Variants in TRAPPC10 observed in about 807,000 individuals in gnomAD.
The protein encoded by TRAPPC10 is trafficking protein particle complex subunit 10.
A neutral mutation model predicts 125.5 loss-of-function variants in TRAPPC10; 23 were observed. That is an observed-to-expected ratio of 0.18 (90% CI 0.13 to 0.26). The LOEUF (loss-of-function observed/expected upper bound fraction) is 0.26. Among genes scored for constraint, TRAPPC10 ranks in the 10% least tolerant of loss-of-function variants. The pLI is 1.00. For synonymous variants in TRAPPC10, 509 were observed against 518.0 expected, an observed-to-expected ratio of 0.98 and a Z score of 0.24; for missense variants, 1,123 against 1,308.4, an observed-to-expected ratio of 0.86 and a Z score of 2.19.
chr21:44,079,891 A>G (rs779004035), intron 12 of TRAPPC10, 124 bp from the exon 13 acceptor site: 4 of 1,078,254 alleles, frequency 3.7e-6, no homozygotes, highest in African/African-American at 3.3e-5. Flanking sequence ...GAGCCCTAGT[A>G]ACTTAAAAAA....
At chr21:44,035,711 A>T (rs929022682) in intron 2 of TRAPPC10, among the ~76,000 whole-genome samples, 2 of 152,182 alleles carry the variant, frequency 1.3e-5, no homozygotes, top group African/African-American at 2.4e-5. Context: ...TGGGAGGAGG[A>T]GATTGCAGTG....
chr21:44,087,591 G>T lies in TRAPPC10; in HGVS notation c.2540-108G>T. ...GTTTGCCTGCCAGGTGCGCAGGAGCGGGAGAGGTTGAGCAGTGGCCTCACT... is the reference window on the plus strand; with the variant it reads ...GTTTGCCTGCCAGGTGCGCAGGAGCTGGAGAGGTTGAGCAGTGGCCTCACT... On this transcript the variant is annotated intron_variant, in intron 16 of 22. Coordinates refer to ENST00000291574, the MANE Select transcript of TRAPPC10 (RefSeq NM_003274.5). This position sits in a 1 kb window ranked among gnomAD's most constrained non-coding sequence, Gnocchi z 4.6. The T allele has an allele frequency of 2.1e-6, 2 of 955,698 alleles. No homozygotes were observed. Among genetic ancestry groups the T allele is most frequent in the East Asian group, 2.5e-5 (1 of 39,720 alleles). 59.2% of individuals were successfully genotyped at this position (955,698 alleles called of 1,614,324 possible). A position where few individuals can be genotyped will look rare whatever the true frequency, so the allele number is the denominator to read the frequency against.
intron 3 of TRAPPC10, among the ~76,000 whole-genome samples, chr21:44,039,758 G>C (rs2034282320): frequency 6.6e-6 from 1 of 152,160 alleles, no homozygotes; most frequent in African/African-American, 2.4e-5. Flanking sequence ...CCAGCTACTC[G>C]GTAGGCTGAG....
At chr21:44,017,500 T>C (rs956961737) in intron 1 of TRAPPC10, among the ~76,000 whole-genome samples, 1 of 152,246 alleles carries the variant, frequency 6.6e-6, no homozygotes. Flanking sequence ...TCATGGCATC[T>C]CTAGGCTAAA....
At chr21:44,046,726 T>G in intron 3 of TRAPPC10, 1 of 378,274 alleles carries the variant, frequency 2.6e-6, no homozygotes, top group Non-Finnish European at 4.9e-6. Context: ...CAGGCTGGTC[T>G]TGAACTTCCA....
intron 4 of TRAPPC10, among the ~76,000 whole-genome samples, 159 bp from the exon 5 acceptor site, chr21:44,055,539 C>T (rs946746618): frequency 4.0e-5 from 6 of 149,352 alleles, no homozygotes; most frequent in Non-Finnish European, 7.4e-5. Context: ...GATTGTGCCA[C>T]TGCACTCCAG....
intron 3 of TRAPPC10, among the ~76,000 whole-genome samples, chr21:44,043,395 G>C (rs1388639736): frequency 6.6e-6 from 1 of 151,770 alleles, no homozygotes; most frequent in Admixed American, 6.6e-5. Flanking sequence ...TGTATTATTA[G>C]TGGAGACGGG....
chr21:44,030,745 GGTGTGA>G, intron 1 of TRAPPC10, among the ~76,000 whole-genome samples: 1 of 152,158 alleles, frequency 6.6e-6, no homozygotes, highest in Admixed American at 6.5e-5. Flanking sequence ...TGGGATTACA[GGTGTGA>G]GCCATCACGC....
rs2037582659 is a variant in TRAPPC10, at chr21:44,080,108, C to A, written c.1704C>A (p.Ser568Arg). The change falls in exon 13 of 23, where the codon AGC (serine) becomes AGA (arginine). Residue 568 changes from serine (S) to arginine (R), a missense_variant. By Grantham distance (110) the Ser-to-Arg change is moderately radical. Coordinates refer to ENST00000291574, the MANE Select transcript of TRAPPC10 (RefSeq NM_003274.5). ...GCCAGGAGATACTTGACTTTGCCAG[C>A]CAGCCGTCAGACAGCCCAGGTAAGA... ...HFCQEILDFA[S>R]QPSDSPGHKI... 1 of 1,613,962 alleles carries A rather than the reference C, an allele frequency of 6.2e-7. No homozygotes were observed. The highest frequency in any genetic ancestry group is 1.3e-5 in the African/African-American group (1 of 74,912).
chr21:44,043,390 T>C (rs1413832186), intron 3 of TRAPPC10, among the ~76,000 whole-genome samples: 1 of 151,852 alleles, frequency 6.6e-6, no homozygotes, highest in Non-Finnish European at 1.5e-5. Flanking sequence ...ATTTTTGTAT[T>C]ATTAGTGGAG....
intron 11 of TRAPPC10, 52 bp downstream of exon 11, chr21:44,077,836 A>G: frequency 7.2e-7 from 1 of 1,384,270 alleles, no homozygotes; most frequent in Non-Finnish European, 1.0e-6. Context: ...ATAACACGAG[A>G]AGATTTGTTA....
chr21:44,090,046 AC>A, intron 18 of TRAPPC10, 113 bp downstream of exon 18: 1 of 694,400 alleles, frequency 1.4e-6, no homozygotes, highest in Non-Finnish European at 2.5e-6. Flanking sequence ...TTCTTATGTG[AC>A]CACAAGGCCA....
In TRAPPC10 at chr21:44,088,050, G is replaced by A. The variant is rs2038270582; in HGVS notation, c.2769+122G>A. 2.2e-5 allele frequency: 19 copies of A among 848,246 alleles called. No individual in the cohort carries two copies. The South Asian group carries it at 3.1e-4, about 14-fold the overall frequency. 52.5% of individuals were successfully genotyped at this position (848,246 alleles called of 1,614,324 possible). On this transcript the variant is annotated intron_variant, in intron 17 of 22. Coordinates refer to ENST00000291574, the MANE Select transcript of TRAPPC10 (RefSeq NM_003274.5). Reference sequence around the variant, plus strand: ...CTCCTTCTGATTCCCGATGCCCTGGGCATGTGTTTAGCAGTTCTGTCTGTC... The same window carrying A: ...CTCCTTCTGATTCCCGATGCCCTGGACATGTGTTTAGCAGTTCTGTCTGTC...
chr21:44,057,419 T>TC (rs2035688879), intron 5 of TRAPPC10, among the ~76,000 whole-genome samples: 1 of 151,862 alleles, frequency 6.6e-6, no homozygotes, highest in South Asian at 2.1e-4. Flanking sequence ...CCTGCCTCAG[T>TC]CCCGAGTAGC....
Position 44,087,944 on chromosome 21 carries a change from G to A in TRAPPC10, c.2769+16G>A. On this transcript the variant is annotated intron_variant, in intron 17 of 22. Coordinates refer to ENST00000291574, the MANE Select transcript of TRAPPC10 (RefSeq NM_003274.5). The surrounding 1 kb of genome is among the most constrained non-coding windows in gnomAD (Gnocchi z 4.6). ...AGACCACAAAGTGAGTAGGGACAGT[G>A]GAGGAGCTTAGCTTGTGGGGCGTCC... 5 of 1,599,558 alleles carry A rather than the reference G, an allele frequency of 3.1e-6. No individual in the cohort carries two copies. The highest frequency in any genetic ancestry group is 4.3e-6 in the Non-Finnish European group (5 of 1,170,690).
At chr21:44,044,570 A>G (rs2034641404) in intron 3 of TRAPPC10, among the ~76,000 whole-genome samples, 1 of 150,296 alleles carries the variant, frequency 6.7e-6, no homozygotes, top group African/African-American at 2.5e-5. Context: ...TACATTTTCT[A>G]TACTTGTTAA....
Position 44,092,003 on chromosome 21 carries a change from A to T in TRAPPC10, c.2951A>T (p.Asp984Val). The change falls in exon 19 of 23, where the codon GAT becomes GTT. Residue 984 changes from aspartate (D) to valine (V), a missense_variant. Asp to Val is a radical substitution (Grantham distance 152). Transcript: ENST00000291574. ...LSDSYLVDTG[D>V]STDLQLVPLN... ...GATAGTTATCTTGTAGATACCGGTG[A>T]TAGTACCGACCTGCAACTAGTACCA... The T allele has an allele frequency of 1.9e-6, 3 of 1,614,154 alleles. No individual in the cohort carries two copies. Among genetic ancestry groups the T allele is most frequent in the Non-Finnish European group, 2.5e-6 (3 of 1,180,022 alleles).
At chr21:44,032,895 C>G (rs1456032121) in intron 2 of TRAPPC10, among the ~76,000 whole-genome samples, 1 of 152,202 alleles carries the variant, frequency 6.6e-6, no homozygotes, top group African/African-American at 2.4e-5. Context: ...AAGACCCTCC[C>G]TCCACCCTGG....
chr21:44,032,116 C>T lies in TRAPPC10; in HGVS notation c.93C>T (p.Thr31=). 6.2e-7 allele frequency: 1 copy of T among 1,613,690 alleles called. No individual in the cohort carries two copies. The highest frequency in any genetic ancestry group is 8.5e-7 in the Non-Finnish European group (1 of 1,179,808). Residue 31 remains threonine (T), a synonymous_variant, in exon 2 of 23, where the codon ACC becomes ACT. Coordinates refer to ENST00000291574, the MANE Select transcript of TRAPPC10 (RefSeq NM_003274.5). ...GTGCTGGAGATCAGAATTTATTTAC[C>T]TCTGTTTATCCAACGCTCTCTCAGC... ...VTCAGDQNLF[T]SVYPTLSQQL... is the part of the protein sequence containing the mutation.
Sources: gnomAD v4.1 joint callset for allele counts (sites outside exome capture counted in the v4.1 genomes callset) on GRCh38, gnomAD v4.1.1 for gene constraint, Gnocchi (gnomAD v3.1) non-coding constraint, MANE v1.5 for transcripts, NCBI Gene and HGNC (gene_info 2026-07-23, HGNC 2026-07-21) for gene names.